Variants in MSANTD5 observed in about 807,000 individuals in gnomAD.
MSANTD5 encodes uncharacterized protein MSANTD5.
At chr5:178,696,394 T>C (rs1765412599) in intron 1 of MSANTD5, among the ~76,000 whole-genome samples, 1 of 151,964 alleles carries the variant, frequency 6.6e-6, no homozygotes, top group Admixed American at 6.6e-5. Flanking sequence ...GGCTAATATT[T>C]GGTGTTTTTT....
At chr5:178,703,305 T>C in the MSANTD5 span, among the ~76,000 whole-genome samples, 121 of 152,276 alleles carry the variant, frequency 7.9e-4, no homozygotes, top group African/African-American at 2.8e-3. Flanking sequence ...TGCTCCACAG[T>C]GTGATGCGCT....
downstream of MSANTD5, among the ~76,000 whole-genome samples, chr5:178,693,092 C>T (rs1351007168): frequency 1.3e-5 from 2 of 151,904 alleles, no homozygotes; most frequent in Non-Finnish European, 2.9e-5. Context: ...GGCGGATCAC[C>T]TGAGGTCGGG....
exon 2 of MSANTD5, chr5:178,696,108 T>G (rs1765409480): frequency 6.6e-6 from 1 of 152,264 alleles, no homozygotes; most frequent in Admixed American, 6.5e-5. Context: ...TGAGGGCTTT[T>G]CTGATCCCTG....
chr5:178,707,194 TGAA>T, the MSANTD5 span: 2 of 151,942 alleles, frequency 1.3e-5, no homozygotes, highest in Non-Finnish European at 2.9e-5. Flanking sequence ...AAGAGAGAAT[TGAA>T]GAATGAAGAA....
At chr5:178,703,767 G>A in the MSANTD5 span, among the ~76,000 whole-genome samples, 125 of 152,182 alleles carry the variant, frequency 8.2e-4, 1 homozygote, top group African/African-American at 2.7e-3. Flanking sequence ...TGGATCATGA[G>A]GTCAGGAGAT....
Position 178,697,327 on chromosome 5 carries a change from G to A in MSANTD5, c.6+259C>T, listed in dbSNP as rs376587851. On this transcript the variant is annotated intron_variant, in intron 1 of 3. Transcript: ENST00000648368. The stretch of plus-strand genomic sequence containing the variant: ...AAATTAGCCGGGCGTGGTGGCGGGC[G>A]CCTGTAGTCCCAGCTACTCGGGAGG... Among the ~76,000 whole-genome samples the A allele has an allele frequency of 8.2e-4, 125 of 151,690 alleles. 1 individual carries two copies. The highest frequency in any genetic ancestry group is 4.1e-3 in the East Asian group (21 of 5,072).
Position 178,697,250 on chromosome 5 carries a change from C to T in MSANTD5, c.6+336G>A, listed in dbSNP as rs370133371. 3.4e-4 allele frequency among the ~76,000 whole-genome samples: 51 copies of T among 150,532 alleles called. No individual in the cohort carries two copies. In the South Asian group the frequency reaches 9.0e-3, roughly 26 times the overall value. On this transcript the variant is annotated intron_variant, in intron 1 of 3. Coordinates refer to ENST00000648368, the Ensembl canonical transcript of MSANTD5. ...CGGGCGGATCACGAGGTCAGGAGATCGAGACCATCCTGGCTAACACGGTGA... is the reference window on the plus strand; with the variant it reads ...CGGGCGGATCACGAGGTCAGGAGATTGAGACCATCCTGGCTAACACGGTGA...
the MSANTD5 span, among the ~76,000 whole-genome samples, chr5:178,706,396 C>T: frequency 6.6e-6 from 1 of 152,128 alleles, no homozygotes; most frequent in Admixed American, 6.6e-5. Context: ...GCTCTGTCTG[C>T]TATAACCCAG....
chr5:178,700,525 C>T (rs3927097), upstream of MSANTD5, among the ~76,000 whole-genome samples: 66,670 of 151,942 alleles, frequency 0.44, 15,125 homozygotes, highest in Admixed American at 0.52. Context: ...CAGGGGCCAC[C>T]TTGGTCCTGC....
intron 1 of MSANTD5, among the ~76,000 whole-genome samples, 170 bp downstream of exon 1, chr5:178,697,416 T>C (rs377227582): frequency 3.5e-4 from 53 of 152,206 alleles, no homozygotes; most frequent in African/African-American, 1.2e-3. Context: ...ATCGCGCCCC[T>C]GCACTCCAGC....
the MSANTD5 span, among the ~76,000 whole-genome samples, chr5:178,704,402 C>T: frequency 3.3e-5 from 5 of 152,154 alleles, no homozygotes; most frequent in Non-Finnish European, 5.9e-5. Flanking sequence ...AGCTTGATTC[C>T]CCCTTCACCA....
At chr5:178,697,225 C>T (rs543790866) in intron 1 of MSANTD5, among the ~76,000 whole-genome samples, 119 of 152,098 alleles carry the variant, frequency 7.8e-4, no homozygotes, top group Middle Eastern at 3.4e-3. Flanking sequence ...GAGGCCGAGG[C>T]GGGCGGATCA....
downstream of MSANTD5, chr5:178,694,469 A>G (rs890234705): frequency 2.0e-5 from 3 of 152,194 alleles, no homozygotes; most frequent in African/African-American, 7.2e-5. Flanking sequence ...CGGGTCCAAG[A>G]TCACTGGGGG....
intron 1 of MSANTD5, among the ~76,000 whole-genome samples, chr5:178,696,890 TG>T (rs776977267): frequency 1.3e-5 from 2 of 152,018 alleles, no homozygotes; most frequent in Non-Finnish European, 2.9e-5. Flanking sequence ...GGAAACTGCC[TG>T]GGCTGGGAAA....
At chr5:178,696,370 G>A (rs6891247) in intron 1 of MSANTD5, among the ~76,000 whole-genome samples, 189 bp from the exon 2 acceptor site, 34,520 of 151,628 alleles carry the variant, frequency 0.23, 4,472 homozygotes, top group African/African-American at 0.34. Context: ...TTACAGGCAC[G>A]CACCACCACA....
At chr5:178,693,483 C>A (rs1317278850), downstream of MSANTD5, among the ~76,000 whole-genome samples, 1 of 152,006 alleles carries the variant, frequency 6.6e-6, no homozygotes, top group African/African-American at 2.4e-5. Flanking sequence ...CCAGTGGGTT[C>A]TTGGTCTCAC....
upstream of MSANTD5, among the ~76,000 whole-genome samples, chr5:178,700,145 TG>T (rs1364688156): frequency 6.6e-6 from 1 of 152,154 alleles, no homozygotes; most frequent in African/African-American, 2.4e-5. Flanking sequence ...CCCGTCGCCC[TG>T]GGCATGGGGG....
chr5:178,699,166 C>T (rs1196205260), upstream of MSANTD5, among the ~76,000 whole-genome samples: 1 of 152,068 alleles, frequency 6.6e-6, no homozygotes, highest in East Asian at 1.9e-4. Context: ...CGTCTTCTTC[C>T]CCAGGCTCGA....
chr5:178,692,935 G>T (rs1354678285), downstream of MSANTD5, among the ~76,000 whole-genome samples: 1 of 151,798 alleles, frequency 6.6e-6, no homozygotes, highest in Non-Finnish European at 1.5e-5. Flanking sequence ...AGGGCCTAAG[G>T]GATCTCTCTA....
Sources: allele counts gnomAD v4.1 joint callset (sites outside exome capture counted in the v4.1 genomes callset), GRCh38; gene constraint gnomAD v4.1.1; transcripts MANE v1.5; gene names NCBI Gene and HGNC (gene_info 2026-07-23, HGNC 2026-07-21).